NARS2: variants seen among roughly 807,000 people sequenced by gnomAD.
The protein encoded by NARS2 is asparaginyl-tRNA synthetase 2, mitochondrial, also known as asparaginyl-tRNA synthetase.
NARS2 carries 60 observed loss-of-function variants against 62.9 expected under a neutral mutation model. The observed-to-expected ratio is 0.95, with a 90% CI of 0.77 to 1.18. The LOEUF is 1.18. Ranked by LOEUF, NARS2 falls within the 50% of genes most tolerant of loss-of-function variation. The probability of loss-of-function intolerance (pLI) is 0.00; values close to 1 mark genes in which losing one functional copy is unlikely to be tolerated. For synonymous variants in NARS2, 196 were observed against 200.0 expected (o/e 0.98, Z 0.17); for missense variants, 619 against 576.4 (o/e 1.07, Z -0.76).
In NARS2 at chr11:78,530,535, G is replaced by A. The variant is rs138590718; in HGVS notation, c.595-1599C>T. Reference sequence around the variant, plus strand: ...GTCGCCCAGGCTGAAGTGCAGTGGCGCGATCTTGACTCACTGCAACCTCCA... The same window carrying A: ...GTCGCCCAGGCTGAAGTGCAGTGGCACGATCTTGACTCACTGCAACCTCCA... On this transcript the variant is annotated intron_variant, in intron 5 of 13. Coordinates refer to ENST00000281038, the MANE Select transcript of NARS2 (RefSeq NM_024678.6). Among the ~76,000 whole-genome samples, 249 of 152,222 alleles carry A rather than the reference G, an allele frequency of 1.6e-3. 2 individuals carry two copies. Among genetic ancestry groups the A allele is most frequent in the African/African-American group, 5.7e-3 (237 of 41,524 alleles).
intron 5 of NARS2, among the ~76,000 whole-genome samples, chr11:78,548,107 C>T (rs1855949193): frequency 6.6e-6 from 1 of 152,052 alleles, no homozygotes; most frequent in Non-Finnish European, 1.5e-5. Context: ...CCCAGCTACA[C>T]AGGAGGCTGA....
intron 3 of NARS2, among the ~76,000 whole-genome samples, chr11:78,568,221 G>A (rs1431040293): frequency 6.6e-6 from 1 of 152,118 alleles, no homozygotes; most frequent in Non-Finnish European, 1.5e-5. Context: ...TGCCACTGAG[G>A]AACTGGATTT....
rs1262678512 is a variant in NARS2 at position 78,574,589 on chromosome 11, G to A, written c.-101C>T. On this transcript the variant is annotated 5_prime_UTR_variant, in exon 1 of 14. Coordinates refer to ENST00000281038, the MANE Select transcript of NARS2 (RefSeq NM_024678.6). ...TCTCAGCTGCTCCCCTTCCGCGGCC[G>A]CAGCTCTGCTCTAAGGCACTCCAGA... The A allele has an allele frequency of 2.9e-6, 4 of 1,365,498 alleles. No individual in the cohort carries two copies. Among genetic ancestry groups the A allele is most frequent in the East Asian group, 5.0e-5 (2 of 39,836 alleles). 84.6% of individuals were successfully genotyped at this position (1,365,498 alleles called of 1,614,324 possible). A position where few individuals can be genotyped will look rare whatever the true frequency, so the allele number is the denominator to read the frequency against.
In NARS2 at chr11:78,566,227, G is replaced by A. The variant is rs1057524183; in HGVS notation, c.418C>T (p.Arg140Ter). Residue 140 changes from arginine (R) to a stop codon, truncating the protein, a stop_gained, in exon 4 of 14, where the codon CGA (arginine) becomes TGA (stop). Coordinates refer to ENST00000281038, the MANE Select transcript of NARS2 (RefSeq NM_024678.6). LOFTEE classifies it high-confidence loss of function. ...YKERHPLEYL[R>*]QYPHFRCRTN... The stretch of plus-strand genomic sequence containing the variant: ...CTACACCTAAAGTGAGGATATTGTC[G>A]CAGATACTCCAGAGGATGCCTCTCT... The A allele has an allele frequency of 7.4e-6, 12 of 1,610,992 alleles. No homozygotes were observed. Among genetic ancestry groups the A allele is most frequent in the East Asian group, 2.2e-5 (1 of 44,836 alleles).
At chr11:78,475,770 T>G (rs1334521033) in intron 9 of NARS2, among the ~76,000 whole-genome samples, 1 of 151,772 alleles carries the variant, frequency 6.6e-6, no homozygotes, top group Admixed American at 6.6e-5. Flanking sequence ...CTAATTTATT[T>G]ATTTATTTTT....
chr11:78,565,049 A>G (rs1374996003), intron 4 of NARS2, among the ~76,000 whole-genome samples: 2 of 152,228 alleles, frequency 1.3e-5, no homozygotes, highest in African/African-American at 4.8e-5. Flanking sequence ...ACCACGTGGA[A>G]TAACAATAAA....
chr11:78,500,819 AC>A (rs1395629631), intron 6 of NARS2, among the ~76,000 whole-genome samples: 1 of 152,224 alleles, frequency 6.6e-6, no homozygotes, highest in African/African-American at 2.4e-5. Context: ...AAGGCCGCAC[AC>A]GGTGGCTCAT....
intron 9 of NARS2, among the ~76,000 whole-genome samples, chr11:78,474,236 T>C (rs1185137224): frequency 2.6e-5 from 4 of 152,356 alleles, no homozygotes; most frequent in Middle Eastern, 3.4e-3. Flanking sequence ...AGTATTTTTT[T>C]ATAGATGAGG....
chr11:78,566,072 T>C, intron 4 of NARS2, 60 bp downstream of exon 4: 1 of 1,373,942 alleles, frequency 7.3e-7, no homozygotes, highest in Non-Finnish European at 9.9e-7. Flanking sequence ...AAGACACAAC[T>C]GTTTTTAAAC....
In NARS2 at chr11:78,461,399, G is replaced by T. The variant is rs908461533; in HGVS notation, c.1164+4477C>A. Among the ~76,000 whole-genome samples the T allele has an allele frequency of 2.6e-5, 4 of 151,936 alleles. No homozygotes were observed. The East Asian group carries it at 7.7e-4, about 29-fold the overall frequency. ...TAATGTGATGTCACAGAAGTCAAGG[G>T]AGTAGAGGGTTATAAGAATAAAAAA... On this transcript the variant is annotated intron_variant, in intron 11 of 13. Coordinates refer to ENST00000281038, the MANE Select transcript of NARS2 (RefSeq NM_024678.6).
At chr11:78,539,763 G>C (rs1010815412) in intron 5 of NARS2, among the ~76,000 whole-genome samples, 9 of 152,200 alleles carry the variant, frequency 5.9e-5, no homozygotes, top group Non-Finnish European at 8.8e-5. Context: ...TTAGTGGGCA[G>C]GAGTCCAACA....
At chr11:78,522,762 A>AT (rs972601429) in intron 6 of NARS2, among the ~76,000 whole-genome samples, 3 of 152,058 alleles carry the variant, frequency 2.0e-5, no homozygotes, top group South Asian at 2.1e-4. Context: ...ACTCAAAAGC[A>AT]TTTTTTTTAT....
intron 7 of NARS2, among the ~76,000 whole-genome samples, chr11:78,486,094 T>G (rs2135296016): frequency 6.6e-6 from 1 of 152,250 alleles, no homozygotes; most frequent in East Asian, 1.9e-4. Context: ...AGATTGGTCT[T>G]GAACTCCTGA....
At chr11:78,493,452 T>C (rs1282210770) in intron 6 of NARS2, among the ~76,000 whole-genome samples, 1 of 151,736 alleles carries the variant, frequency 6.6e-6, no homozygotes, top group African/African-American at 2.4e-5. Flanking sequence ...AACTTAGGAG[T>C]TCAAGACCAG....
At chr11:78,441,004 G>T in intron 13 of NARS2, 87 bp downstream of exon 13, 2 of 1,167,382 alleles carry the variant, frequency 1.7e-6, no homozygotes, top group Non-Finnish European at 2.5e-6. Flanking sequence ...ACTCTTTCAT[G>T]GGGTCTTGGG....
At chr11:78,492,134 C>T (rs945686221) in intron 7 of NARS2, among the ~76,000 whole-genome samples, 2 of 151,778 alleles carry the variant, frequency 1.3e-5, no homozygotes, top group Non-Finnish European at 2.9e-5. Flanking sequence ...CACACACACA[C>T]ATATATAGAT....
intron 6 of NARS2, among the ~76,000 whole-genome samples, chr11:78,523,428 A>G (rs934174040): frequency 6.6e-6 from 1 of 152,216 alleles, no homozygotes; most frequent in African/African-American, 2.4e-5. Context: ...ACACAGTTAA[A>G]CATAGTTACT....
chr11:78,543,803 C>T (rs1040471565), intron 5 of NARS2, among the ~76,000 whole-genome samples: 2 of 151,970 alleles, frequency 1.3e-5, no homozygotes, highest in East Asian at 1.9e-4. Flanking sequence ...GAGGCCAAGG[C>T]GGGCAGACCA....
chr11:78,495,294 T>C (rs1213372968), intron 6 of NARS2, among the ~76,000 whole-genome samples: 8 of 152,142 alleles, frequency 5.3e-5, no homozygotes, highest in Admixed American at 1.3e-4. Flanking sequence ...AGTTTTTGCA[T>C]AGGCTCTTCC....
Sources: gnomAD v4.1 joint callset for allele counts (sites outside exome capture counted in the v4.1 genomes callset) on GRCh38, gnomAD v4.1.1 for gene constraint, MANE v1.5 for transcripts, NCBI Gene and HGNC (gene_info 2026-07-23, HGNC 2026-07-21) for gene names.